SLC36A3: variants seen among roughly 807,000 people sequenced by gnomAD.
The protein encoded by SLC36A3 is solute carrier family 36 member 3.
In SLC36A3, 35 loss-of-function variants were observed where a neutral mutation model predicts 44.3. That is an observed-to-expected ratio of 0.79 (90% CI 0.60 to 1.05). The LOEUF (loss-of-function observed/expected upper bound fraction) is 1.05. Among genes scored for constraint, SLC36A3 ranks in the 50% least tolerant of loss-of-function variants. SLC36A3 has a pLI of 0.00. For missense variants in SLC36A3, 540 were observed against 578.7 expected, an observed-to-expected ratio of 0.93 and a Z score of 0.69; for synonymous variants, 211 against 227.6, an observed-to-expected ratio of 0.93 and a Z score of 0.66.
chr5:151,289,765 A>G (rs533868999), intron 4 of SLC36A3, among the ~76,000 whole-genome samples: 1 of 152,282 alleles, frequency 6.6e-6, no homozygotes, highest in South Asian at 2.1e-4. Context: ...AATACTACAG[A>G]GGTGATAGTT....
At chr5:151,299,443 T>G (rs1397909809) in intron 1 of SLC36A3, among the ~76,000 whole-genome samples, 1 of 150,118 alleles carries the variant, frequency 6.7e-6, no homozygotes, top group Non-Finnish European at 1.5e-5. Flanking sequence ...TGGGTAAAAT[T>G]TAATAATTTA....
chr5:151,298,402 T>C (rs1306274377), intron 2 of SLC36A3, 191 bp downstream of exon 2: 2 of 578,450 alleles, frequency 3.5e-6, no homozygotes, highest in African/African-American at 1.9e-5. Context: ...TTAAGAGTAA[T>C]GGTGTGCCCC....
chr5:151,287,963 T>C (rs1034562136), intron 5 of SLC36A3, among the ~76,000 whole-genome samples: 1 of 152,212 alleles, frequency 6.6e-6, no homozygotes, highest in Non-Finnish European at 1.5e-5. Context: ...GGATGCTCCC[T>C]CTAATCCACA....
At chr5:151,291,201 T>A (rs1754748222) in intron 4 of SLC36A3, among the ~76,000 whole-genome samples, 1 of 152,074 alleles carries the variant, frequency 6.6e-6, no homozygotes, top group Admixed American at 6.6e-5. Context: ...CTAGGCTGTC[T>A]TGACACCTGG....
chr5:151,279,335 T>G (rs76842898), intron 9 of SLC36A3, among the ~76,000 whole-genome samples: 1,550 of 151,844 alleles, frequency 0.01, 41 homozygotes, highest in East Asian at 0.09. Flanking sequence ...CTTGCATATA[T>G]TTGCCACTCA....
At chr5:151,295,613 A>T in intron 3 of SLC36A3, among the ~76,000 whole-genome samples, 1 of 152,148 alleles carries the variant, frequency 6.6e-6, no homozygotes, top group East Asian at 1.9e-4. Flanking sequence ...GGATCTCTGC[A>T]TTCTTTGTTT....
At chr5:151,293,306 T>C (rs1580819475) in intron 4 of SLC36A3, 58 bp downstream of exon 4, 3 of 1,432,622 alleles carry the variant, frequency 2.1e-6, no homozygotes, top group Non-Finnish European at 2.9e-6. Flanking sequence ...TAAGTAGAAA[T>C]AAAGAAAAGT....
At chr5:151,277,763 G>C in intron 9 of SLC36A3, 102 bp from the exon 10 acceptor site, 1 of 1,428,330 alleles carries the variant, frequency 7.0e-7, no homozygotes, top group East Asian at 2.5e-5. Context: ...CCACTTTGGA[G>C]AGGTGGGAGG....
chr5:151,285,826 C>T (rs13160642), intron 6 of SLC36A3, among the ~76,000 whole-genome samples: 9 of 152,008 alleles, frequency 5.9e-5, no homozygotes, highest in Non-Finnish European at 1.2e-4. Flanking sequence ...AGATGGAAGG[C>T]GGCCTGAGCC....
At position 151,293,442 on chromosome 5, in the gene SLC36A3, A is replaced by G. The variant is rs1160710060; in HGVS notation, c.326T>C (p.Val109Ala). 6.2e-7 allele frequency: 1 copy of G among 1,613,250 alleles called. No homozygotes were observed. Among genetic ancestry groups the G allele is most frequent in the Non-Finnish European group, 8.5e-7 (1 of 1,179,520 alleles). The change falls in exon 4 of 10, where the codon GTG becomes GCG. Residue 109 changes from valine to alanine, a missense_variant. Transcript: ENST00000335230. Reference protein sequence around the residue: ...HLSQRLQKTFVNYGEATMYGL... With the variant: ...HLSQRLQKTFANYGEATMYGL... The stretch of plus-strand genomic sequence containing the variant: ...GTACATCGTGGCCTCTCCATAGTTC[A>G]CAAAAGTCTTCTGCAGTCTAGGGGG...
Position 151,302,537 on chromosome 5 carries a change from C to T in SLC36A3, c.128+690G>A, listed in dbSNP as rs894026527. Among the ~76,000 whole-genome samples, 3 of 128,294 alleles carry T rather than the reference C, an allele frequency of 2.3e-5. No homozygotes were observed. In the Admixed American group the frequency reaches 3.2e-4, roughly 14 times the overall value. 84.2% of individuals were successfully genotyped at this position (128,294 alleles called of 152,430 possible). A position where few individuals can be genotyped will look rare whatever the true frequency, so the allele number is the denominator to read the frequency against. On this transcript the variant is annotated intron_variant, in intron 1 of 9. Transcript: ENST00000335230. Reference sequence around the variant, plus strand: ...GCTGAACAATGAGAACACATGGACACAGGGAGGAGAACAAGACAAACACTG... The same window carrying T: ...GCTGAACAATGAGAACACATGGACATAGGGAGGAGAACAAGACAAACACTG...
chr5:151,299,262 C>CTA lies in SLC36A3; in HGVS notation c.129-580_129-579insTA, dbSNP rs1483618702. On this transcript the variant is annotated intron_variant, in intron 1 of 9. Transcript: ENST00000335230. ...TCTCTCTCTCTCTCTCTCTCTCTCT[C>CTA]TCTATATATATATATATATATATAT... 5.3e-3 allele frequency among the ~76,000 whole-genome samples: 342 copies of CTA among 64,410 alleles called. 1 individual carries two copies. Among genetic ancestry groups the CTA allele is most frequent in the East Asian group, 0.01 (18 of 1,796 alleles). 42.3% of individuals were successfully genotyped at this position (64,410 alleles called of 152,430 possible).
chr5:151,294,233 C>G (rs963789312), intron 3 of SLC36A3, among the ~76,000 whole-genome samples: 4 of 152,170 alleles, frequency 2.6e-5, no homozygotes, highest in African/African-American at 9.7e-5. Context: ...GGGGAAGAGA[C>G]AGTGAGAGAC....
At chr5:151,292,900 C>T (rs1452177755) in intron 4 of SLC36A3, among the ~76,000 whole-genome samples, 1 of 152,146 alleles carries the variant, frequency 6.6e-6, no homozygotes, top group Non-Finnish European at 1.5e-5. Context: ...AGGAGAGCTG[C>T]TTGAACCCAG....
At chr5:151,299,264 C>CTCTATATATATATATA (rs1372309288) in intron 1 of SLC36A3, among the ~76,000 whole-genome samples, 9 of 59,644 alleles carry the variant, frequency 1.5e-4, no homozygotes, top group East Asian at 6.0e-4. Flanking sequence ...CTCTCTCTCT[C>CTCTATATATATATATA]TATATATATA....
chr5:151,300,362 T>G (rs73280060), intron 1 of SLC36A3, among the ~76,000 whole-genome samples: 5 of 152,354 alleles, frequency 3.3e-5, no homozygotes, highest in African/African-American at 1.2e-4. Flanking sequence ...GACTTCAGTC[T>G]ATTGAGTGAA....
Position 151,296,230 on chromosome 5 carries a change from G to A in SLC36A3, c.258C>T (p.Thr86=), listed in dbSNP as rs754894815. The A allele has an allele frequency of 2.5e-5, 41 of 1,614,056 alleles. No individual in the cohort carries two copies. In the Admixed American group the frequency reaches 5.7e-4, roughly 22 times the overall value. Residue 86 remains threonine, a synonymous_variant, in exon 3 of 10, where the codon ACC becomes ACT. Coordinates refer to ENST00000335230, the MANE Select transcript of SLC36A3 (RefSeq NM_181774.4). ...TCAACAGGATGACCATGCAGTGCAC[G>A]GTGAGGACCCCGATGGCCAGAAGGC... ...PVSLLAIGVL[T]VHCMVILLNC... is the part of the protein sequence containing the mutation.
intron 4 of SLC36A3, among the ~76,000 whole-genome samples, chr5:151,290,943 A>G (rs1754738976): frequency 6.6e-6 from 1 of 152,066 alleles, no homozygotes; most frequent in Non-Finnish European, 1.5e-5. Flanking sequence ...TAAAAAGTAT[A>G]ATCATCATAC....
At chr5:151,285,258 T>C (rs1754489997) in intron 6 of SLC36A3, among the ~76,000 whole-genome samples, 1 of 152,224 alleles carries the variant, frequency 6.6e-6, no homozygotes, top group Non-Finnish European at 1.5e-5. Flanking sequence ...CCACTCTATA[T>C]ATAGACACCA....
Sources: allele counts gnomAD v4.1 joint callset (sites outside exome capture counted in the v4.1 genomes callset), GRCh38; gene constraint gnomAD v4.1.1; transcripts MANE v1.5; gene names NCBI Gene and HGNC (gene_info 2026-07-23, HGNC 2026-07-21).